RB1CC1: variants seen among roughly 807,000 people sequenced by gnomAD.
RB1CC1 encodes the protein RB1-inducible coiled-coil protein 1.
In RB1CC1, 46 loss-of-function variants were observed where a neutral mutation model predicts 177.5. The observed-to-expected ratio is 0.26, with a 90% CI of 0.20 to 0.33. The LOEUF (loss-of-function observed/expected upper bound fraction) is 0.33, where lower values mean the gene tolerates loss of function less well. RB1CC1 is among the 10% of genes least tolerant of loss of function. The pLI, the probability that RB1CC1 is intolerant of heterozygous loss-of-function variation, is 1.00. For missense variants in RB1CC1, 1,703 were observed against 1,816.3 expected, an observed-to-expected ratio of 0.94 and a Z score of 1.13; for synonymous variants, 666 against 613.6, an observed-to-expected ratio of 1.09 and a Z score of -1.26.
intron 16 of RB1CC1, among the ~76,000 whole-genome samples, chr8:52,645,050 C>T (rs756548071): frequency 6.6e-5 from 10 of 152,102 alleles, no homozygotes; most frequent in Non-Finnish European, 1.0e-4. Flanking sequence ...AGTTGCTGTC[C>T]GGTACTTTAG....
At chr8:52,667,522 C>T (rs1030973441) in intron 8 of RB1CC1, among the ~76,000 whole-genome samples, 1 of 152,124 alleles carries the variant, frequency 6.6e-6, no homozygotes, top group Admixed American at 6.5e-5. Context: ...TGCTTAGAAA[C>T]GTCCACATTT....
At chr8:52,652,424 C>T (rs1283041637) in intron 15 of RB1CC1, among the ~76,000 whole-genome samples, 1 of 145,290 alleles carries the variant, frequency 6.9e-6, no homozygotes, top group Non-Finnish European at 1.5e-5. Flanking sequence ...TGCGCCACTG[C>T]ACTCCAGCCT....
At position 52,656,772 on chromosome 8, in the gene RB1CC1, C is replaced by CT; in HGVS notation, c.3056dup (p.Glu1020GlyfsTer7). The CT allele has an allele frequency of 6.2e-7, 1 of 1,613,606 alleles. No homozygotes were observed. Among genetic ancestry groups the CT allele is most frequent in the Non-Finnish European group, 8.5e-7 (1 of 1,179,910 alleles). ...TTTGATTAATTATTTGTTGGTTTTC[C>CT]TTTTTTAATTCCTCCAAAGAAACTC... On this transcript the variant is annotated frameshift_variant, in exon 15 of 24. Transcript: ENST00000025008. LOFTEE classifies it high-confidence loss of function.
At chr8:52,691,214 T>A (rs981941285) in intron 1 of RB1CC1, among the ~76,000 whole-genome samples, 2 of 152,202 alleles carry the variant, frequency 1.3e-5, no homozygotes, top group African/African-American at 4.8e-5. Context: ...TTGCTTTCAA[T>A]CAGAAGCTTT....
intron 18 of RB1CC1, among the ~76,000 whole-genome samples, chr8:52,637,476 C>T (rs111998436): frequency 0.029 from 4,453 of 152,062 alleles, 245 homozygotes; most frequent in African/African-American, 0.1. Flanking sequence ...TAGCTGGGAC[C>T]ACAGCTGTGC....
At chr8:52,690,299 T>G (rs535478687) in intron 1 of RB1CC1, among the ~76,000 whole-genome samples, 3 of 152,178 alleles carry the variant, frequency 2.0e-5, no homozygotes, top group Non-Finnish European at 4.4e-5. Context: ...GGAAGGAATA[T>G]TCCTTCATTC....
At chr8:52,670,909 T>C (rs1044901978) in intron 7 of RB1CC1, among the ~76,000 whole-genome samples, 1 of 151,004 alleles carries the variant, frequency 6.6e-6, no homozygotes, top group African/African-American at 2.4e-5. Context: ...TGAGCCGAGA[T>C]CGTGCCAGTG....
At chr8:52,635,563 T>G (rs1478338592) in intron 19 of RB1CC1, among the ~76,000 whole-genome samples, 1 of 152,124 alleles carries the variant, frequency 6.6e-6, no homozygotes, top group Non-Finnish European at 1.5e-5. Context: ...ATTATCAGTT[T>G]TTTCTTGTCC....
intron 1 of RB1CC1, among the ~76,000 whole-genome samples, chr8:52,702,872 A>G (rs1380907812): frequency 2.6e-5 from 4 of 152,204 alleles, no homozygotes; most frequent in Non-Finnish European, 2.9e-5. Flanking sequence ...AATCACAGTA[A>G]ATATTCCCAA....
Position 52,623,050 on chromosome 8 carries a change from T to A in RB1CC1, c.*732A>T, listed in dbSNP as rs1264276938. 1 of 152,276 alleles carries A rather than the reference T, an allele frequency of 6.6e-6. No individual in the cohort carries two copies. The highest frequency in any genetic ancestry group is 1.9e-4 in the East Asian group (1 of 5,202). The allele number at this position is 152,276 out of a possible 1,614,324, so 9.4% of individuals were successfully genotyped here. On this transcript the variant is annotated 3_prime_UTR_variant, in exon 24 of 24. Transcript: ENST00000025008. Reference sequence around the variant, plus strand: ...CATCAATATGATTATTCTAGAGTCATAAAGATGTTGGGAAGGTTTGAGTCT... The same window carrying A: ...CATCAATATGATTATTCTAGAGTCAAAAAGATGTTGGGAAGGTTTGAGTCT...
At chr8:52,713,612 C>A (rs1308972601) in intron 1 of RB1CC1, among the ~76,000 whole-genome samples, 1 of 152,212 alleles carries the variant, frequency 6.6e-6, no homozygotes. Context: ...CTCCACTCTC[C>A]CGTTTCTCGA....
rs1591019884 is a variant in RB1CC1 at position 52,665,121 on chromosome 8, A to T, written c.1173+2900T>A. Among the ~76,000 whole-genome samples, 3 of 152,306 alleles carry T rather than the reference A, an allele frequency of 2.0e-5. No individual in the cohort carries two copies. In the East Asian group the frequency reaches 5.8e-4, roughly 29 times the overall value. On this transcript the variant is annotated intron_variant, in intron 8 of 23. Transcript: ENST00000025008. The stretch of plus-strand genomic sequence containing the variant: ...GATGGGTTCATAAAATTTAATATGA[A>T]TAAATATACGAATGAATTTGACTGC...
chr8:52,684,601 C>T (rs1255833225), intron 3 of RB1CC1, among the ~76,000 whole-genome samples: 1 of 152,102 alleles, frequency 6.6e-6, no homozygotes, highest in Non-Finnish European at 1.5e-5. Context: ...TTATTAGATA[C>T]CTGAGTCCCA....
chr8:52,676,308 C>T, intron 6 of RB1CC1, 61 bp downstream of exon 6: 1 of 1,460,966 alleles, frequency 6.8e-7, no homozygotes, highest in Non-Finnish European at 9.5e-7. Flanking sequence ...AGTAATTAAA[C>T]CTACTGATAA....
chr8:52,685,389 T>C lies in RB1CC1; in HGVS notation c.71+10A>G, dbSNP rs758942334. 2 of 1,568,090 alleles carry C rather than the reference T, an allele frequency of 1.3e-6. No individual in the cohort carries two copies. The highest frequency in any genetic ancestry group is 1.7e-6 in the Non-Finnish European group (2 of 1,145,568). On this transcript the variant is annotated intron_variant, in intron 3 of 23. Transcript: ENST00000025008. ...GAATGCGAAAAAAAAATAAATGAAA[T>C]ACAACTCACGTTTGCACTGTAAGTT...
At chr8:52,697,034 G>A (rs1215078702) in intron 1 of RB1CC1, among the ~76,000 whole-genome samples, 9 of 151,868 alleles carry the variant, frequency 5.9e-5, no homozygotes, top group Admixed American at 4.6e-4. Context: ...AAAAAGATAC[G>A]TATTTCAGTC....
intron 20 of RB1CC1, among the ~76,000 whole-genome samples, chr8:52,631,174 C>G (rs1021148900): frequency 3.3e-5 from 5 of 152,086 alleles, no homozygotes; most frequent in Non-Finnish European, 7.3e-5. Flanking sequence ...GGTTGATTTA[C>G]AATCTTACAA....
In RB1CC1 at chr8:52,634,966, TGTCTGCAGGTG is replaced by T; in HGVS notation, c.4393-9_4394del. 1 of 1,607,564 alleles carries T rather than the reference TGTCTGCAGGTG, an allele frequency of 6.2e-7. No homozygotes were observed. Among genetic ancestry groups the T allele is most frequent in the African/African-American group, 1.3e-5 (1 of 74,626 alleles). On this transcript the variant is annotated splice_acceptor_variant and splice_polypyrimidine_tract_variant and coding_sequence_variant and intron_variant, in exon 20 of 24. Transcript: ENST00000025008. LOFTEE classifies it high-confidence loss of function. ...TATTTTCTTCTTCTTTCAATTGCAA[TGTCTGCAGGTG>T]GAAAAAAGAGACCTGTGGTTTATCC...
At chr8:52,697,020 A>C (rs1855478186) in intron 1 of RB1CC1, among the ~76,000 whole-genome samples, 1 of 152,020 alleles carries the variant, frequency 6.6e-6, no homozygotes, top group South Asian at 2.1e-4. Context: ...AACAAAACAA[A>C]ACAAAAAAGA....
Sources: gnomAD v4.1 joint callset for allele counts (sites outside exome capture counted in the v4.1 genomes callset) on GRCh38, gnomAD v4.1.1 for gene constraint, MANE v1.5 for transcripts, NCBI Gene and HGNC (gene_info 2026-07-23, HGNC 2026-07-21) for gene names.